Variants in NDUFS4 observed in about 807,000 individuals in gnomAD.
The protein encoded by NDUFS4 is NADH:ubiquinone oxidoreductase subunit S4.
NDUFS4 carries 28 observed loss-of-function variants against 24.3 expected under a neutral mutation model. The observed-to-expected ratio is 1.15, with a 90% CI of 0.85 to 1.58. The LOEUF (loss-of-function observed/expected upper bound fraction) is 1.58, where lower values mean the gene tolerates loss of function less well. NDUFS4 is among the 40% of genes most tolerant of loss of function. NDUFS4 has a pLI of 0.00. For missense variants in NDUFS4, 223 were observed against 207.9 expected, an observed-to-expected ratio of 1.07 and a Z score of -0.45; for synonymous variants, 93 against 69.7, an observed-to-expected ratio of 1.34 and a Z score of -1.67.
chr5:53,629,393 G>T (rs2112487768), intron 2 of NDUFS4, among the ~76,000 whole-genome samples: 1 of 152,246 alleles, frequency 6.6e-6, no homozygotes, highest in African/African-American at 2.4e-5. Context: ...TGTCTATTAG[G>T]TCTGCTCGGT....
At chr5:53,607,301 C>G (rs765512134) in intron 2 of NDUFS4, among the ~76,000 whole-genome samples, 5 of 152,166 alleles carry the variant, frequency 3.3e-5, no homozygotes, top group African/African-American at 4.8e-5. Flanking sequence ...AGAAAGATGT[C>G]AAGCTCAATC....
rs200098464 is a variant in NDUFS4, at chr5:53,669,689, G to GATA, written c.424+11067_424+11069dup. ...CAGCGCTGTATGGCTAGGCTCTGGG[G>GATA]ATAAATAAGGCATAGTTCTTACACT... On this transcript the variant is annotated intron_variant, in intron 4 of 4. Transcript: ENST00000296684. 7.3e-3 allele frequency among the ~76,000 whole-genome samples: 1,109 copies of GATA among 152,194 alleles called. 14 individuals are homozygous for GATA. The highest frequency in any genetic ancestry group is 0.025 in the African/African-American group (1,058 of 41,534).
chr5:53,580,757 C>T (rs983288528), intron 1 of NDUFS4, among the ~76,000 whole-genome samples: 3 of 128,072 alleles, frequency 2.3e-5, no homozygotes, highest in African/African-American at 7.4e-5. Context: ...CTTCCTTTCT[C>T]TTTCTTTCTT....
At chr5:53,679,679 T>C (rs1259680259) in intron 4 of NDUFS4, among the ~76,000 whole-genome samples, 1 of 152,164 alleles carries the variant, frequency 6.6e-6, no homozygotes, top group Non-Finnish European at 1.5e-5. Flanking sequence ...AGAGAGTGAT[T>C]ATCAGGTTTG....
At chr5:53,619,603 T>G (rs551703498) in intron 2 of NDUFS4, among the ~76,000 whole-genome samples, 1 of 151,726 alleles carries the variant, frequency 6.6e-6, no homozygotes, top group Non-Finnish European at 1.5e-5. Flanking sequence ...TGTGGAAACA[T>G]TAATTTGGAA....
chr5:53,673,343 C>T (rs543819941), intron 4 of NDUFS4, among the ~76,000 whole-genome samples: 2 of 152,082 alleles, frequency 1.3e-5, no homozygotes, highest in East Asian at 1.9e-4. Context: ...TTCCAGAGGC[C>T]CTCTAGGGAA....
At chr5:53,660,226 C>A (rs187098293) in intron 4 of NDUFS4, among the ~76,000 whole-genome samples, 56 of 148,974 alleles carry the variant, frequency 3.8e-4, no homozygotes, top group Admixed American at 6.1e-4. Context: ...CAATTCCCCA[C>A]CTATGAGTGA....
intron 4 of NDUFS4, among the ~76,000 whole-genome samples, chr5:53,680,202 A>C (rs13153200): frequency 1.3e-5 from 2 of 152,140 alleles, no homozygotes; most frequent in South Asian, 2.1e-4. Flanking sequence ...AAATTAAGAT[A>C]TATATTATAA....
intron 2 of NDUFS4, among the ~76,000 whole-genome samples, chr5:53,619,595 T>C (rs1750968166): frequency 6.6e-6 from 1 of 151,824 alleles, no homozygotes; most frequent in African/African-American, 2.4e-5. Context: ...GTACATGTTG[T>C]GGAAACATTA....
chr5:53,646,424 T>G lies in NDUFS4; in HGVS notation c.350+19T>G, dbSNP rs377084790. The G allele has an allele frequency of 1.7e-5, 27 of 1,610,714 alleles. No individual in the cohort carries two copies. The highest frequency in any genetic ancestry group is 5.3e-5 in the African/African-American group (4 of 74,846). The stretch of plus-strand genomic sequence containing the variant: ...CATCAACGTGAGTACTTTATTTTAA[T>G]GTGAATATTGTCAGCTATCTTTTTC... On this transcript the variant is annotated intron_variant, in intron 3 of 4. Transcript: ENST00000296684.
At chr5:53,597,960 C>T (rs1750179407) in intron 1 of NDUFS4, among the ~76,000 whole-genome samples, 1 of 152,176 alleles carries the variant, frequency 6.6e-6, no homozygotes, top group Admixed American at 6.5e-5. Flanking sequence ...GCAGATAACT[C>T]ACCAAAGAAG....
chr5:53,567,807 T>C (rs950102642), intron 1 of NDUFS4, among the ~76,000 whole-genome samples: 2 of 152,166 alleles, frequency 1.3e-5, no homozygotes, highest in African/African-American at 4.8e-5. Flanking sequence ...CAAAGTATGC[T>C]AAATGAAATT....
chr5:53,645,361 A>G (rs968647700), intron 2 of NDUFS4, among the ~76,000 whole-genome samples: 1 of 152,166 alleles, frequency 6.6e-6, no homozygotes. Flanking sequence ...GGATATAAAT[A>G]ACTCCCACAT....
chr5:53,566,848 T>C (rs1175993346), intron 1 of NDUFS4, among the ~76,000 whole-genome samples: 2 of 135,874 alleles, frequency 1.5e-5, no homozygotes, highest in African/African-American at 6.4e-5. Flanking sequence ...CACCGCCAAG[T>C]ATTTTTTTTT....
At chr5:53,602,049 C>G (rs1305384897) in intron 1 of NDUFS4, among the ~76,000 whole-genome samples, 2 of 152,022 alleles carry the variant, frequency 1.3e-5, no homozygotes, top group Non-Finnish European at 2.9e-5. Context: ...TAAAATGTAT[C>G]GTACAAGGAT....
chr5:53,570,769 C>T (rs953279322), intron 1 of NDUFS4, among the ~76,000 whole-genome samples: 4 of 150,524 alleles, frequency 2.7e-5, no homozygotes, highest in Non-Finnish European at 4.4e-5. Context: ...CTGCAAGCTC[C>T]GCCTCCCAGG....
intron 3 of NDUFS4, among the ~76,000 whole-genome samples, chr5:53,651,712 A>G (rs1323733824): frequency 6.6e-6 from 1 of 151,762 alleles, no homozygotes; most frequent in Admixed American, 6.6e-5. Flanking sequence ...TATACCTAGA[A>G]TATATTTGTT....
chr5:53,654,266 C>T (rs1454942065), intron 3 of NDUFS4, among the ~76,000 whole-genome samples: 1 of 151,756 alleles, frequency 6.6e-6, no homozygotes, highest in Non-Finnish European at 1.5e-5. Flanking sequence ...ATTTCAGTTA[C>T]CTATTTTCTG....
At chr5:53,665,015 G>A (rs2112530913) in intron 4 of NDUFS4, among the ~76,000 whole-genome samples, 1 of 152,224 alleles carries the variant, frequency 6.6e-6, no homozygotes, top group Non-Finnish European at 1.5e-5. Context: ...TGGTGTGGAT[G>A]TCCTTTCTGT....
Sources: gnomAD v4.1 joint callset for allele counts (sites outside exome capture counted in the v4.1 genomes callset) on GRCh38, gnomAD v4.1.1 for gene constraint, MANE v1.5 for transcripts, NCBI Gene and HGNC (gene_info 2026-07-23, HGNC 2026-07-21) for gene names.